Variants in CWF19L2 observed in about 807,000 individuals in gnomAD.
CWF19L2 encodes the protein CWF19 like cell cycle control factor 2.
CWF19L2 carries 98 observed loss-of-function variants against 111.7 expected under a neutral mutation model. That is an observed-to-expected ratio of 0.88 (90% CI 0.75 to 1.04). The LOEUF is 1.04. CWF19L2 is among the 50% of genes least tolerant of loss of function. The pLI, the probability that CWF19L2 is intolerant of heterozygous loss-of-function variation, is 0.00. For missense variants in CWF19L2, 1,101 were observed against 1,051.4 expected (o/e 1.05, Z -0.65); for synonymous variants, 351 against 342.9 (o/e 1.02, Z -0.26).
At chr11:107,407,818 G>C (rs1471754063) in intron 10 of CWF19L2, among the ~76,000 whole-genome samples, 1 of 151,970 alleles carries the variant, frequency 6.6e-6, no homozygotes, top group South Asian at 2.1e-4. Context: ...TTAGACCTGA[G>C]AAAATACTGT....
In CWF19L2 at chr11:107,404,565, G is replaced by A. The variant is rs890582297; in HGVS notation, c.1617+11644C>T. The A allele has an allele frequency of 7.7e-6, 5 of 648,734 alleles. No individual in the cohort carries two copies. In the East Asian group the frequency reaches 1.2e-4, roughly 15 times the overall value. The allele number at this position is 648,734 out of a possible 1,614,324, so 40.2% of individuals were successfully genotyped here. ...GTTGCAGGAGCTGGGGTGGGAGGTG[G>A]GGCATAAGATGGTCTTTCCACAGGC... is the stretch of plus-strand genomic sequence containing the variant. On this transcript the variant is annotated intron_variant, in intron 10 of 17. Coordinates refer to ENST00000282251, the MANE Select transcript of CWF19L2 (RefSeq NM_152434.3).
At position 107,326,779 on chromosome 11, in the gene CWF19L2, G is replaced by A; in HGVS notation, c.*131C>T. ...CAACACAATCTCCTGATGTACAGTT[G>A]TCACTGACCCAGAGCAGTCTGCTGC... On this transcript the variant is annotated 3_prime_UTR_variant, in exon 18 of 18. Transcript: ENST00000282251. The A allele has an allele frequency of 1.5e-6, 1 of 648,130 alleles. No homozygotes were observed. The highest frequency in any genetic ancestry group is 2.5e-6 in the Non-Finnish European group (1 of 395,298). 40.1% of individuals were successfully genotyped at this position (648,130 alleles called of 1,614,324 possible).
rs2134524864 is a variant in CWF19L2, at chr11:107,336,699, T to C, written c.2217A>G (p.Ser739=). The C allele has an allele frequency of 1.4e-6, 2 of 1,470,996 alleles. No homozygotes were observed. Among genetic ancestry groups the C allele is most frequent in the South Asian group, 1.3e-5 (1 of 75,336 alleles). 91.1% of individuals were successfully genotyped at this position (1,470,996 alleles called of 1,614,324 possible). The change falls in exon 15 of 18, where the codon TCA becomes TCG. Residue 739 remains serine (S), a synonymous_variant. Coordinates refer to ENST00000282251, the MANE Select transcript of CWF19L2 (RefSeq NM_152434.3). ...CTTTATCTTCAAACATCTTTACCAA[T>C]GATTTTCTGAACATCTAAAAAAAAA... The part of the protein sequence containing the change: ...IWEEIQMFRK[S]LVKMFEDKGL...
At chr11:107,371,703 C>T (rs1445515137) in intron 12 of CWF19L2, among the ~76,000 whole-genome samples, 1 of 137,082 alleles carries the variant, frequency 7.3e-6, no homozygotes, top group African/African-American at 2.9e-5. Flanking sequence ...TCCAGGAAAC[C>T]TGCCCCAGGA....
rs113445192 is a variant in CWF19L2 at position 107,372,822 on chromosome 11, G to C, written c.1872+17252C>G. On this transcript the variant is annotated intron_variant, in intron 12 of 17. Coordinates refer to ENST00000282251, the MANE Select transcript of CWF19L2 (RefSeq NM_152434.3). ...GTCTACAGCTCCCAGCGTGAGCGAC[G>C]CAGAAGACGGGTGATTTGTGCATTT... Among the ~76,000 whole-genome samples the C allele has an allele frequency of 1.5e-5, 2 of 130,968 alleles. 1 individual carries two copies. The highest frequency in any genetic ancestry group is 3.2e-5 in the Non-Finnish European group (2 of 62,580). 85.9% of individuals were successfully genotyped at this position (130,968 alleles called of 152,430 possible).
At chr11:107,360,890 C>T (rs761497857) in intron 12 of CWF19L2, among the ~76,000 whole-genome samples, 2 of 152,204 alleles carry the variant, frequency 1.3e-5, no homozygotes, top group Non-Finnish European at 1.5e-5. Context: ...AGACCCTTGA[C>T]AAATGCATAT....
At chr11:107,439,671 A>C (rs1280736146) in intron 5 of CWF19L2, among the ~76,000 whole-genome samples, 2 of 152,218 alleles carry the variant, frequency 1.3e-5, no homozygotes, top group Non-Finnish European at 2.9e-5. Flanking sequence ...AGAAAGAATA[A>C]CAGCACGTTC....
chr11:107,337,601 A>C (rs570990093), intron 14 of CWF19L2, among the ~76,000 whole-genome samples: 34 of 152,230 alleles, frequency 2.2e-4, no homozygotes, highest in African/African-American at 7.9e-4. Flanking sequence ...ACCATGTCTT[A>C]CTGTGAACCC....
At chr11:107,388,867 A>G (rs779230746) in intron 12 of CWF19L2, among the ~76,000 whole-genome samples, 5 of 152,174 alleles carry the variant, frequency 3.3e-5, no homozygotes, top group African/African-American at 4.8e-5. Context: ...GACCCTAGGA[A>G]ATTTCTGGCA....
At chr11:107,455,059 T>C (rs1861834386) in intron 2 of CWF19L2, among the ~76,000 whole-genome samples, 1 of 152,108 alleles carries the variant, frequency 6.6e-6, no homozygotes, top group Non-Finnish European at 1.5e-5. Context: ...GATCAAAGGG[T>C]ACAAAGTTTT....
At chr11:107,344,157 G>A (rs1860045065) in intron 14 of CWF19L2, among the ~76,000 whole-genome samples, 1 of 152,146 alleles carries the variant, frequency 6.6e-6, no homozygotes, top group Non-Finnish European at 1.5e-5. Context: ...AGGTTGCAGT[G>A]AGCCAAAATC....
At chr11:107,395,903 C>G (rs1290111161) in intron 10 of CWF19L2, among the ~76,000 whole-genome samples, 1 of 151,138 alleles carries the variant, frequency 6.6e-6, no homozygotes, top group Non-Finnish European at 1.5e-5. Flanking sequence ...GTCACAGTGT[C>G]AAACAATAAT....
chr11:107,457,155 G>A (rs1461766143), intron 1 of CWF19L2, among the ~76,000 whole-genome samples: 1 of 152,186 alleles, frequency 6.6e-6, no homozygotes, highest in Non-Finnish European at 1.5e-5. Flanking sequence ...AGTTTAGTGA[G>A]AAATACAATG....
chr11:107,419,704 G>A (rs1023411009), intron 8 of CWF19L2, among the ~76,000 whole-genome samples: 2 of 152,168 alleles, frequency 1.3e-5, no homozygotes, highest in African/African-American at 2.4e-5. Context: ...AAATTAAGCT[G>A]CAGAAGTAGA....
intron 13 of CWF19L2, 23 bp downstream of exon 13, chr11:107,353,501 A>G: frequency 6.3e-7 from 1 of 1,580,244 alleles, no homozygotes; most frequent in Non-Finnish European, 8.7e-7. Context: ...GAATGTAAGC[A>G]AAGGATAATA....
chr11:107,438,782 C>T (rs1352917450), intron 6 of CWF19L2, among the ~76,000 whole-genome samples: 2 of 152,170 alleles, frequency 1.3e-5, no homozygotes, highest in Non-Finnish European at 2.9e-5. Flanking sequence ...CAGTAGCTCA[C>T]ACCTGTAATC....
intron 14 of CWF19L2, among the ~76,000 whole-genome samples, chr11:107,340,048 T>C (rs188878118): frequency 2.6e-5 from 4 of 152,318 alleles, no homozygotes; most frequent in African/African-American, 9.6e-5. Context: ...TACAAATCCA[T>C]TGCCAGGTAT....
chr11:107,353,778 G>T, intron 12 of CWF19L2, 42 bp from the exon 13 acceptor site: 1 of 1,522,622 alleles, frequency 6.6e-7, no homozygotes, highest in South Asian at 1.1e-5. Context: ...AGAAGGTAGT[G>T]ATTAAGATTT....
At chr11:107,384,706 C>T in intron 12 of CWF19L2, among the ~76,000 whole-genome samples, 1 of 152,172 alleles carries the variant, frequency 6.6e-6, no homozygotes, top group East Asian at 1.9e-4. Flanking sequence ...TGTATGGCTG[C>T]TTTTGTGCTA....
Sources: allele counts gnomAD v4.1 joint callset (sites outside exome capture counted in the v4.1 genomes callset), GRCh38; gene constraint gnomAD v4.1.1; transcripts MANE v1.5; gene names NCBI Gene and HGNC (gene_info 2026-07-23, HGNC 2026-07-21).